The following SH3GL2 variants were observed in gnomAD, a reference collection of about 807,000 sequenced individuals.
SH3GL2 encodes SH3 domain containing GRB2 like 2, endophilin A1.
In SH3GL2, 24 loss-of-function variants were observed where a neutral mutation model predicts 46.0. That is an observed-to-expected ratio of 0.52 (90% CI 0.38 to 0.73). SH3GL2 has a LOEUF of 0.73. Among genes scored for constraint, SH3GL2 ranks in the 30% least tolerant of loss-of-function variants. The pLI is 0.00. For missense variants in SH3GL2, 413 were observed against 424.2 expected, an observed-to-expected ratio of 0.97 and a Z score of 0.23; for synonymous variants, 196 against 147.1, an observed-to-expected ratio of 1.33 and a Z score of -2.40.
chr9:17,697,254 C>T (rs1314923255), intron 1 of SH3GL2, among the ~76,000 whole-genome samples: 2 of 150,954 alleles, frequency 1.3e-5, no homozygotes, highest in Non-Finnish European at 2.9e-5. Context: ...GGCGGAGTCT[C>T]ACTTTTTCAC....
intron 6 of SH3GL2, chr9:17,789,789 G>C (rs977293054): frequency 2.0e-6 from 2 of 982,040 alleles, no homozygotes; most frequent in Non-Finnish European, 2.4e-6. Context: ...TTAAAGTACA[G>C]ATGCTCCTTA....
At position 17,786,430 on chromosome 9, in the gene SH3GL2, C is replaced by G. The variant is rs139376322; in HGVS notation, c.237C>G (p.Gly79=). The G allele has an allele frequency of 6.2e-7, 1 of 1,613,332 alleles. No individual in the cohort carries two copies. The highest frequency in any genetic ancestry group is 2.2e-5 in the East Asian group (1 of 44,842). Residue 79 remains glycine (G), a synonymous_variant, in exon 4 of 9, where the codon GGC becomes GGG. Transcript: ENST00000380607. ...TCAACACCATGTCAAAAATCCGTGG[C>G]CAGGAGAAGGGGCCAGGCTATCCTC... The part of the protein sequence containing the change: ...SMINTMSKIR[G]QEKGPGYPQA...
At chr9:17,747,618 A>G (rs553918184) in intron 2 of SH3GL2, among the ~76,000 whole-genome samples, 2 of 152,172 alleles carry the variant, frequency 1.3e-5, no homozygotes, top group African/African-American at 2.4e-5. Context: ...CCTTCCTGCC[A>G]TGTGTCACAA....
chr9:17,724,483 G>C (rs1309454017), intron 1 of SH3GL2, among the ~76,000 whole-genome samples: 3 of 152,010 alleles, frequency 2.0e-5, no homozygotes, highest in Non-Finnish European at 4.4e-5. Context: ...CAACATCTGG[G>C]CCCTGAAAAG....
At chr9:17,640,524 T>C (rs1025084475) in intron 1 of SH3GL2, among the ~76,000 whole-genome samples, 3 of 152,146 alleles carry the variant, frequency 2.0e-5, no homozygotes, top group African/African-American at 7.2e-5. Flanking sequence ...GTTGGTATGA[T>C]TCAAAAGGAG....
intron 1 of SH3GL2, among the ~76,000 whole-genome samples, chr9:17,620,800 A>C (rs1819121247): frequency 6.6e-6 from 1 of 152,176 alleles, no homozygotes; most frequent in African/African-American, 2.4e-5. Flanking sequence ...GGAGCCCTTC[A>C]GTGAGTCCAG....
chr9:17,728,520 A>C (rs1485246868), intron 1 of SH3GL2, among the ~76,000 whole-genome samples: 2 of 152,150 alleles, frequency 1.3e-5, no homozygotes, highest in Non-Finnish European at 1.5e-5. Context: ...ATACATGTGC[A>C]GAACGTGCAG....
chr9:17,585,804 C>G (rs1818365360), intron 1 of SH3GL2, among the ~76,000 whole-genome samples: 1 of 152,148 alleles, frequency 6.6e-6, no homozygotes, highest in Non-Finnish European at 1.5e-5. Context: ...ACCTGGTTAC[C>G]TGGGTGGGGT....
At chr9:17,635,504 C>G (rs983583496) in intron 1 of SH3GL2, among the ~76,000 whole-genome samples, 12 of 152,176 alleles carry the variant, frequency 7.9e-5, no homozygotes, top group African/African-American at 2.2e-4. Context: ...GTGGCTGACT[C>G]ATTGAGGAGT....
At chr9:17,721,035 C>A (rs1279272742) in intron 1 of SH3GL2, among the ~76,000 whole-genome samples, 1 of 152,080 alleles carries the variant, frequency 6.6e-6, no homozygotes. Context: ...GTCAGTGTTT[C>A]AGGCCACATC....
chr9:17,592,250 C>G (rs937749132), intron 1 of SH3GL2, among the ~76,000 whole-genome samples: 1 of 152,172 alleles, frequency 6.6e-6, no homozygotes, highest in Non-Finnish European at 1.5e-5. Flanking sequence ...TTGCTCTTCC[C>G]AGGCCCTCAA....
intron 1 of SH3GL2, among the ~76,000 whole-genome samples, chr9:17,604,181 C>T (rs903531917): frequency 7.2e-5 from 11 of 152,112 alleles, no homozygotes; most frequent in Admixed American, 6.5e-4. Flanking sequence ...CCCCCTCCTG[C>T]GTGGGCTTCT....
chr9:17,609,156 A>T (rs994840209), intron 1 of SH3GL2, among the ~76,000 whole-genome samples: 1 of 152,200 alleles, frequency 6.6e-6, no homozygotes, highest in Non-Finnish European at 1.5e-5. Flanking sequence ...TCACAGCCCG[A>T]TAAAGTAGTT....
rs142874450 is a variant in SH3GL2 at position 17,677,100 on chromosome 9, T to C, written c.46-69966T>C. 2.0e-3 allele frequency among the ~76,000 whole-genome samples: 312 copies of C among 152,272 alleles called. 1 individual carries two copies. Among genetic ancestry groups the C allele is most frequent in the African/African-American group, 7.2e-3 (299 of 41,540 alleles). ...GCAGTCACTCCTGTGGACTTAGAGG[T>C]TGAGCAAGATTTTCTGTCCTGAGAG... On this transcript the variant is annotated intron_variant, in intron 1 of 8. Coordinates refer to ENST00000380607, the MANE Select transcript of SH3GL2 (RefSeq NM_003026.5).
Position 17,789,485 on chromosome 9 carries a change from C to G in SH3GL2, c.559C>G (p.Leu187Val), listed in dbSNP as rs1363432049. 12 of 1,613,320 alleles carry G rather than the reference C, an allele frequency of 7.4e-6. No individual in the cohort carries two copies. The highest frequency in any genetic ancestry group is 2.7e-5 in the African/African-American group (2 of 74,830). Reference sequence around the variant, plus strand: ...TCCGGATGAAGAGCTTCGTCAAGCTCTAGAGAAATTTGATGAGTCTAAGGA... The same window carrying G: ...TCCGGATGAAGAGCTTCGTCAAGCTGTAGAGAAATTTGATGAGTCTAAGGA... ...KIPDEELRQALEKFDESKEIA... is the reference protein window; with the variant it reads ...KIPDEELRQAVEKFDESKEIA... Residue 187 changes from leucine (L) to valine (V), a missense_variant, in exon 6 of 9, where the codon CTA (leucine) becomes GTA (valine). By Grantham distance (32) the Leu-to-Val change is conservative. Transcript: ENST00000380607.
intron 1 of SH3GL2, among the ~76,000 whole-genome samples, chr9:17,674,294 T>C (rs1272665113): frequency 2.0e-5 from 3 of 152,164 alleles, no homozygotes; most frequent in Middle Eastern, 3.4e-3. Context: ...TAAGACGGAG[T>C]CTCTCTCTGT....
intron 1 of SH3GL2, among the ~76,000 whole-genome samples, chr9:17,665,163 G>C (rs1820313327): frequency 6.6e-6 from 1 of 152,066 alleles, no homozygotes; most frequent in Admixed American, 6.6e-5. Context: ...ACCCTTAACT[G>C]TTTCAACGCA....
chr9:17,583,316 G>A (rs1407692354), intron 1 of SH3GL2, among the ~76,000 whole-genome samples: 1 of 152,142 alleles, frequency 6.6e-6, no homozygotes, highest in Non-Finnish European at 1.5e-5. Context: ...CTGCCAATGT[G>A]ACAGTATTAA....
intron 6 of SH3GL2, among the ~76,000 whole-genome samples, chr9:17,790,147 C>T (rs956094403): frequency 2.0e-5 from 3 of 152,118 alleles, no homozygotes; most frequent in Admixed American, 6.5e-5. Context: ...GGTGTCCCTT[C>T]GCTAGAAGAG....
Sources: gnomAD v4.1 joint callset for allele counts (sites outside exome capture counted in the v4.1 genomes callset) on GRCh38, gnomAD v4.1.1 for gene constraint, MANE v1.5 for transcripts, NCBI Gene and HGNC (gene_info 2026-07-23, HGNC 2026-07-21) for gene names.